TMEM165: variants seen among roughly 807,000 people sequenced by gnomAD.
TMEM165 encodes the protein putative divalent cation/proton antiporter TMEM165.
Under a neutral mutation model 30.0 loss-of-function variants are expected in TMEM165, and 19 were observed. That is an observed-to-expected ratio of 0.63 (90% CI 0.44 to 0.93). TMEM165 has a LOEUF of 0.93. Among genes scored for constraint, TMEM165 ranks in the 40% least tolerant of loss-of-function variants. The pLI, the probability that TMEM165 is intolerant of heterozygous loss-of-function variation, is 0.00. For missense variants in TMEM165, 340 were observed against 417.0 expected (o/e 0.82, Z 1.61); for synonymous variants, 168 against 162.9 (o/e 1.03, Z -0.24).
At chr4:55,426,645 A>C (rs1722213689), downstream of TMEM165, among the ~76,000 whole-genome samples, 1 of 152,220 alleles carries the variant, frequency 6.6e-6, no homozygotes, top group Non-Finnish European at 1.5e-5. Flanking sequence ...CATCCATGTT[A>C]TTTGTGTGAG....
At position 55,449,342 on chromosome 4, in the gene TMEM165, T is replaced by A. The variant is rs193117515; in HGVS notation, c.409-2897T>A. On this transcript the variant is annotated intron_variant, in intron 3 of 3. Coordinates refer to the TMEM165 transcript ENST00000608091. ...GATGAATTTCTGAAGATTTAGATCA[T>A]TTTTCCCCTCTTAATAAATCTTTAT... 1,744 of 1,454,950 alleles carry A rather than the reference T, an allele frequency of 1.2e-3. 21 individuals carry two copies. In the East Asian group the frequency reaches 0.02, roughly 17 times the overall value. 90.1% of individuals were successfully genotyped at this position (1,454,950 alleles called of 1,614,324 possible).
At chr4:55,403,288 C>T in intron 1 of TMEM165, 1 of 1,286,942 alleles carries the variant, frequency 7.8e-7, no homozygotes, top group Non-Finnish European at 1.0e-6. Context: ...TCAAGGAAAG[C>T]ATCTTCATCT....
At chr4:55,399,733 AT>A (rs1188099146) in intron 1 of TMEM165, among the ~76,000 whole-genome samples, 2 of 151,762 alleles carry the variant, frequency 1.3e-5, no homozygotes, top group African/African-American at 4.8e-5. Flanking sequence ...GTTTTATTTA[AT>A]TTTTTTTATA....
At chr4:55,400,431 AATATAATAT>A (rs1302356930) in intron 1 of TMEM165, among the ~76,000 whole-genome samples, 7 of 134,330 alleles carry the variant, frequency 5.2e-5, no homozygotes, top group East Asian at 4.1e-4. Flanking sequence ...AAAATATAAA[AATATAATAT>A]ATATAATATA....
intron 2 of TMEM165, 196 bp from the exon 3 acceptor site, chr4:55,416,876 G>T (rs573252888): frequency 2.4e-4 from 113 of 462,518 alleles, no homozygotes; most frequent in African/African-American, 2.0e-3. Flanking sequence ...AGCTGTGTTA[G>T]GCCTGGGCTA....
chr4:55,406,550 T>C (rs1234795990), intron 1 of TMEM165, among the ~76,000 whole-genome samples: 4 of 152,262 alleles, frequency 2.6e-5, no homozygotes, highest in African/African-American at 9.6e-5. Context: ...AATGATTTTC[T>C]ATATTAGTGT....
At chr4:55,442,772 T>A (rs560509013) in intron 3 of TMEM165, 2 of 790,254 alleles carry the variant, frequency 2.5e-6, no homozygotes, top group African/African-American at 3.4e-5. Flanking sequence ...GGGGGAAATA[T>A]AACCACAAAG....
intron 3 of TMEM165, chr4:55,443,670 G>A (rs1178990796): frequency 1.2e-6 from 2 of 1,601,926 alleles, no homozygotes; most frequent in Non-Finnish European, 1.7e-6. Context: ...ATAGCCCGCT[G>A]TGCTCAGTAA....
chr4:55,419,451 G>GA (rs1478382753), intron 4 of TMEM165, among the ~76,000 whole-genome samples: 1 of 152,210 alleles, frequency 6.6e-6, no homozygotes, highest in Non-Finnish European at 1.5e-5. Flanking sequence ...TGACTTGTGT[G>GA]AGGGAGTAAG....
downstream of TMEM165, among the ~76,000 whole-genome samples, chr4:55,427,662 C>CAGAAA (rs1722285396): frequency 1.3e-5 from 2 of 151,966 alleles, no homozygotes; most frequent in Non-Finnish European, 2.9e-5. Context: ...CTAATAACAA[C>CAGAAA]AGAAAAGACA....
chr4:55,396,870 A>G (rs1176909651), intron 1 of TMEM165, among the ~76,000 whole-genome samples: 1 of 152,118 alleles, frequency 6.6e-6, no homozygotes. Context: ...TGGATTATGA[A>G]CCATGACTCT....
chr4:55,424,595 G>A lies in TMEM165; in HGVS notation c.850G>A (p.Ala284Thr). 1.2e-6 allele frequency: 2 copies of A among 1,613,924 alleles called. No homozygotes were observed. The highest frequency in any genetic ancestry group is 1.7e-6 in the Non-Finnish European group (2 of 1,179,812). The change falls in exon 5 of 6, where the codon GCA becomes ACA. Residue 284 changes from alanine to threonine, a missense_variant. Transcript: ENST00000381334. Reference sequence around the variant, plus strand: ...GGGGCACTGCCTGTGCACGGGATTGGCAGTAATTGGAGGAAGAATGATAGC... The same window carrying A: ...GGGGCACTGCCTGTGCACGGGATTGACAGTAATTGGAGGAAGAATGATAGC... ...TVGHCLCTGL[A>T]VIGGRMIAQK...
At chr4:55,426,508 T>TG (rs1722207046), downstream of TMEM165, among the ~76,000 whole-genome samples, 8 of 152,352 alleles carry the variant, frequency 5.3e-5, no homozygotes, top group South Asian at 1.7e-3. Flanking sequence ...GAGTATATTT[T>TG]GATTTGACTA....
intron 3 of TMEM165, chr4:55,432,259 G>GAAAC (rs1345045685): frequency 0.013 from 2,045 of 152,004 alleles, 43 homozygotes; most frequent in African/African-American, 0.047. Context: ...GTTCTGGTTT[G>GAAAC]ACACCACTCT....
At chr4:55,418,024 G>GT (rs756819389) in intron 4 of TMEM165, 39 bp downstream of exon 4, 5 of 1,543,298 alleles carry the variant, frequency 3.2e-6, no homozygotes, top group Non-Finnish European at 4.4e-6. Flanking sequence ...AAAATGAAAC[G>GT]TAATTATTAT....
At chr4:55,438,471 C>T in intron 3 of TMEM165, 3 of 1,613,794 alleles carry the variant, frequency 1.9e-6, no homozygotes, top group Non-Finnish European at 2.5e-6. Context: ...TACTAGGTAC[C>T]ATGACTGCCC....
At chr4:55,448,636 G>A (rs1724146133) in intron 3 of TMEM165, 1 of 574,600 alleles carries the variant, frequency 1.7e-6, no homozygotes, top group African/African-American at 2.0e-5. Context: ...GTGTGTGTGT[G>A]TGTGTGTGCT....
intron 1 of TMEM165, among the ~76,000 whole-genome samples, chr4:55,405,697 T>G (rs1721240185): frequency 6.6e-6 from 1 of 152,186 alleles, no homozygotes. Context: ...CAGAATTTTT[T>G]CCTTCTCTTA....
intron 2 of TMEM165, chr4:55,416,173 A>G (rs936474725): frequency 6.6e-6 from 1 of 151,942 alleles, no homozygotes; most frequent in Non-Finnish European, 1.5e-5. Flanking sequence ...TGTATTTATT[A>G]TATGTATGGT....
Sources: gnomAD v4.1 joint callset for allele counts (sites outside exome capture counted in the v4.1 genomes callset) on GRCh38, gnomAD v4.1.1 for gene constraint, MANE v1.5 for transcripts, NCBI Gene and HGNC (gene_info 2026-07-23, HGNC 2026-07-21) for gene names.